F9: variants seen among roughly 807,000 people sequenced by gnomAD.
F9 encodes Christmas factor.
In F9, 2 loss-of-function variants were observed where a neutral mutation model predicts 34.1. The ratio of observed to expected loss-of-function variants is 0.06; its 90% confidence interval spans 0.02 to 0.18. The LOEUF (loss-of-function observed/expected upper bound fraction) is 0.18, where lower values mean the gene tolerates loss of function less well. Ranked by LOEUF, F9 falls within the 10% of genes least tolerant of loss-of-function variation. F9 has a pLI of 1.00. For missense variants in F9, 216 were observed against 345.1 expected, an observed-to-expected ratio of 0.63 and a Z score of 2.96; for synonymous variants, 137 against 118.8, an observed-to-expected ratio of 1.15 and a Z score of -1.00.
chrX:139,550,148 ATAAG>A (rs1262288758), intron 5 of F9, among the ~76,000 whole-genome samples: 1 of 112,456 alleles, frequency 8.9e-6, no homozygotes, highest in African/African-American at 3.2e-5. Flanking sequence ...CTTTAGCAGA[ATAAG>A]TAGGCCAAAC....
chrX:139,560,293 C>T (rs1214947618), intron 6 of F9, among the ~76,000 whole-genome samples: 1 of 111,364 alleles, frequency 9.0e-6, no homozygotes, highest in African/African-American at 3.3e-5. Flanking sequence ...TAGTTTTTCT[C>T]TTTTGAGTAA....
chrX:139,532,263 AG>A (rs1927360281), intron 1 of F9, among the ~76,000 whole-genome samples: 1 of 111,742 alleles, frequency 8.9e-6, no homozygotes, highest in South Asian at 3.8e-4. Context: ...GGAAGGGGCC[AG>A]GGGAATTTTT....
chrX:139,556,745 C>G (rs1927977056), intron 6 of F9, among the ~76,000 whole-genome samples: 1 of 112,437 alleles, frequency 8.9e-6, no homozygotes, highest in Non-Finnish European at 1.9e-5. Context: ...ATTTCAATGA[C>G]TAGTTAACCA....
Position 139,557,381 on chromosome X carries a change from G to A in F9, c.724-3360G>A, listed in dbSNP as rs761258119. Reference sequence around the variant, plus strand: ...AAATATATTTTAGGCCTTTTCCTTGGCAAGGATGTTTGGTCAGGGGTTGGC... The same window carrying A: ...AAATATATTTTAGGCCTTTTCCTTGACAAGGATGTTTGGTCAGGGGTTGGC... On this transcript the variant is annotated intron_variant, in intron 6 of 7. Coordinates refer to ENST00000218099, the MANE Select transcript of F9 (RefSeq NM_000133.4). Among the ~76,000 whole-genome samples, 68 of 111,935 alleles carry A rather than the reference G, an allele frequency of 6.1e-4. 1 individual carries two copies. The highest frequency in any genetic ancestry group is 1.1e-3 in the Non-Finnish European group (61 of 53,194).
At chrX:139,535,739 AC>A (rs1927444335) in intron 1 of F9, among the ~76,000 whole-genome samples, 1 of 111,387 alleles carries the variant, frequency 9.0e-6, no homozygotes, top group Non-Finnish European at 1.9e-5. Context: ...ATATGTATAT[AC>A]ATGAAAACAC....
intron 1 of F9, among the ~76,000 whole-genome samples, chrX:139,533,286 A>G (rs186111024): frequency 2.7e-5 from 3 of 112,362 alleles, no homozygotes; most frequent in African/African-American, 9.7e-5. Flanking sequence ...TCTGACTGCC[A>G]GAGTCTGAAT....
chrX:139,533,944 G>T (rs1927399521), intron 1 of F9, among the ~76,000 whole-genome samples: 2 of 111,940 alleles, frequency 1.8e-5, no homozygotes, highest in Non-Finnish European at 3.8e-5. Flanking sequence ...GTGCTGGATG[G>T]ATAACAGGAG....
chrX:139,539,082 C>G lies in F9; in HGVS notation c.277+1696C>G, dbSNP rs1398130844. Among the ~76,000 whole-genome samples the G allele has an allele frequency of 2.7e-5, 3 of 112,169 alleles. 1 individual carries two copies. In the Admixed American group the frequency reaches 2.8e-4, roughly 11 times the overall value. On this transcript the variant is annotated intron_variant, in intron 3 of 7. Coordinates refer to ENST00000218099, the MANE Select transcript of F9 (RefSeq NM_000133.4). ...ACATAGTAGAAACCCAAGCTTCTCA[C>G]TGCTGTGCTATTCTGTACCATCAAC... is the stretch of plus-strand genomic sequence containing the variant.
intron 3 of F9, among the ~76,000 whole-genome samples, chrX:139,538,754 C>G: frequency 9.0e-6 from 1 of 110,569 alleles, no homozygotes; most frequent in Middle Eastern, 4.6e-3. Flanking sequence ...TAAATCCATG[C>G]CGATTTTCCC....
intron 4 of F9, among the ~76,000 whole-genome samples, chrX:139,542,956 T>C (rs976597665): frequency 9.0e-6 from 1 of 111,292 alleles, no homozygotes; most frequent in Non-Finnish European, 1.9e-5. Flanking sequence ...TTCAGCCCAG[T>C]TAGCTCACAA....
At chrX:139,541,872 C>T (rs935802159) in intron 4 of F9, among the ~76,000 whole-genome samples, 10 of 111,787 alleles carry the variant, frequency 8.9e-5, no homozygotes, top group African/African-American at 2.6e-4. Flanking sequence ...CTTTTTCCGA[C>T]GTTTCAGTAA....
At chrX:139,552,732 T>A (rs758141722) in intron 6 of F9, among the ~76,000 whole-genome samples, 1 of 112,663 alleles carries the variant, frequency 8.9e-6, no homozygotes, top group South Asian at 3.6e-4. Flanking sequence ...ATAGCACTTA[T>A]AATAGTTTAG....
intron 5 of F9, among the ~76,000 whole-genome samples, chrX:139,550,809 C>A (rs949198581): frequency 8.9e-6 from 1 of 111,777 alleles, no homozygotes; most frequent in African/African-American, 3.3e-5. Context: ...TCTGGAACAC[C>A]TATTCTATTT....
chrX:139,541,466 G>T (rs183143418), intron 4 of F9, among the ~76,000 whole-genome samples: 1 of 111,316 alleles, frequency 9.0e-6, no homozygotes, highest in African/African-American at 3.3e-5. Flanking sequence ...ATCATTATGC[G>T]CATTCTATGC....
chrX:139,539,462 T>A (rs1371449241), intron 3 of F9, among the ~76,000 whole-genome samples: 1 of 112,217 alleles, frequency 8.9e-6, no homozygotes, highest in Non-Finnish European at 1.9e-5. Context: ...TAAGATCTTG[T>A]CTCTTGTTGT....
chrX:139,560,694 T>C (rs1438322665), intron 6 of F9, 47 bp from the exon 7 acceptor site: 1 of 922,640 alleles, frequency 1.1e-6, no homozygotes, highest in Non-Finnish European at 1.6e-6. Flanking sequence ...TATTTTTTTC[T>C]AGATCAAATG....
At chrX:139,535,836 T>C (rs765256118) in intron 1 of F9, among the ~76,000 whole-genome samples, 1 of 111,307 alleles carries the variant, frequency 9.0e-6, no homozygotes, top group African/African-American at 3.3e-5. Flanking sequence ...AATTTCATCA[T>C]TGTGCGAACA....
At position 139,561,861 on chromosome X, in the gene F9, C is replaced by T. The variant is rs747941750; in HGVS notation, c.1176C>T (p.Asn392=). The T allele has an allele frequency of 1.7e-6, 2 of 1,211,776 alleles. No individual in the cohort carries two copies. The highest frequency in any genetic ancestry group is 3.5e-5 in the South Asian group (2 of 56,963). Residue 392 remains asparagine (N), a synonymous_variant, in exon 8 of 8, where the codon AAC becomes AAT. Transcript: ENST00000218099. The part of the protein sequence containing the change: ...CLRSTKFTIY[N]NMFCAGFHEG... ...GATCTACAAAGTTCACCATCTATAACAACATGTTCTGTGCTGGCTTCCATG... is the reference window on the plus strand; with the variant it reads ...GATCTACAAAGTTCACCATCTATAATAACATGTTCTGTGCTGGCTTCCATG...
chrX:139,532,956 C>T (rs1927376595), intron 1 of F9, among the ~76,000 whole-genome samples: 1 of 111,064 alleles, frequency 9.0e-6, no homozygotes, highest in Non-Finnish European at 1.9e-5. Context: ...GAAGTATAAA[C>T]ATAAGGAGTA....
Sources: gnomAD v4.1 joint callset for allele counts (sites outside exome capture counted in the v4.1 genomes callset) on GRCh38, gnomAD v4.1.1 for gene constraint, MANE v1.5 for transcripts, NCBI Gene and HGNC (gene_info 2026-07-23, HGNC 2026-07-21) for gene names.